Variants in IGF1R observed in about 807,000 individuals in gnomAD.
The protein encoded by IGF1R is insulin like growth factor 1 receptor, also known as insulin-like growth factor 1 receptor.
IGF1R carries 44 observed loss-of-function variants against 144.6 expected under a neutral mutation model. That is an observed-to-expected ratio of 0.30 (90% confidence interval 0.24 to 0.39). The LOEUF is 0.39. Ranked by LOEUF, IGF1R falls within the 10% of genes least tolerant of loss-of-function variation. IGF1R has a pLI of 1.00. For synonymous variants in IGF1R, 795 were observed against 722.8 expected (o/e 1.10, Z -1.60); for missense variants, 1,355 against 1,833.7 (o/e 0.74, Z 4.77).
At chr15:98,890,091 G>A (rs773016445) in intron 2 of IGF1R, among the ~76,000 whole-genome samples, 9 of 152,170 alleles carry the variant, frequency 5.9e-5, no homozygotes, top group African/African-American at 1.4e-4. Context: ...TTTAGCACAC[G>A]AAGAGGCTTA....
At chr15:98,650,984 T>C in intron 1 of IGF1R, 1 of 985,218 alleles carries the variant, frequency 1.0e-6, no homozygotes, top group Non-Finnish European at 1.2e-6. Context: ...AAGTTGAAAG[T>C]GTGGCTTACT....
At chr15:98,668,490 T>A (rs143782374) in intron 1 of IGF1R, among the ~76,000 whole-genome samples, 81 of 152,338 alleles carry the variant, frequency 5.3e-4, no homozygotes, top group African/African-American at 1.9e-3. Context: ...CATTCGCCTC[T>A]GTAACCAAAT....
rs892868238 is a variant in IGF1R, at chr15:98,820,065, G to T, written c.641-71260G>T. Among the ~76,000 whole-genome samples, 16 of 152,300 alleles carry T rather than the reference G, an allele frequency of 1.1e-4. No individual in the cohort carries two copies. The East Asian group carries it at 3.1e-3, about 29-fold the overall frequency. On this transcript the variant is annotated intron_variant, in intron 2 of 20. Coordinates refer to ENST00000650285, the MANE Select transcript of IGF1R (RefSeq NM_000875.5). The stretch of plus-strand genomic sequence containing the variant: ...CTTACGCGTTCACAAACCACACTTT[G>T]AGAACTAAAGATCAAGGAGTACAGT...
rs2016101119 is a variant in IGF1R, at chr15:98,935,308, C to T, written c.3187-8C>T. On this transcript the variant is annotated splice_region_variant and splice_polypyrimidine_tract_variant and intron_variant, in intron 16 of 20. Coordinates refer to ENST00000650285, the MANE Select transcript of IGF1R (RefSeq NM_000875.5). This position sits in a 1 kb window ranked among gnomAD's most constrained non-coding sequence, Gnocchi z 4.2. ...CCTCTGAGTCTTTCTCTTTTTGATTCCTCCCAGGTGCGATTGCTGGGTGTG... is the reference window on the plus strand; with the variant it reads ...CCTCTGAGTCTTTCTCTTTTTGATTTCTCCCAGGTGCGATTGCTGGGTGTG... The T allele has an allele frequency of 6.5e-7, 1 of 1,533,350 alleles. No individual in the cohort carries two copies. Among genetic ancestry groups the T allele is most frequent in the Non-Finnish European group, 8.8e-7 (1 of 1,131,018 alleles). 95.0% of individuals were successfully genotyped at this position (1,533,350 alleles called of 1,614,324 possible). A position where few individuals can be genotyped will look rare whatever the true frequency, so the allele number is the denominator to read the frequency against.
At chr15:98,855,171 G>A (rs889834525) in intron 2 of IGF1R, among the ~76,000 whole-genome samples, 1 of 152,182 alleles carries the variant, frequency 6.6e-6, no homozygotes, top group African/African-American at 2.4e-5. Context: ...CTGTGGTTGG[G>A]GTGGGGAGCT....
At chr15:98,660,282 G>T (rs45600439) in intron 1 of IGF1R, 29 of 152,288 alleles carry the variant, frequency 1.9e-4, no homozygotes, top group African/African-American at 6.3e-4. Context: ...TTGCCCTCTG[G>T]CAAGCTCCTT....
chr15:98,809,243 T>C (rs1567139191), intron 2 of IGF1R, among the ~76,000 whole-genome samples: 2 of 152,220 alleles, frequency 1.3e-5, no homozygotes, highest in Non-Finnish European at 2.9e-5. Flanking sequence ...ATTTGCTGTC[T>C]GGCTAGCAGT....
intron 2 of IGF1R, among the ~76,000 whole-genome samples, chr15:98,822,211 A>C (rs1175521775): frequency 6.6e-6 from 1 of 152,108 alleles, no homozygotes; most frequent in African/African-American, 2.4e-5. Context: ...ACTGAGATAC[A>C]ACCTTCCTAC....
At position 98,960,752 on chromosome 15, in the gene IGF1R, T is replaced by A. The variant is rs986015230; in HGVS notation, c.*3310T>A. On this transcript the variant is annotated 3_prime_UTR_variant, in exon 21 of 21. Transcript: ENST00000650285. ...CAGAGGCTCCTGACCTCACAGCCAG[T>A]CCCTGATAGAACACACGCAGGAGCA... The A allele has an allele frequency of 4.3e-6, 1 of 233,650 alleles. No individual in the cohort carries two copies. Among genetic ancestry groups the A allele is most frequent in the East Asian group, 6.0e-5 (1 of 16,602 alleles). The allele number at this position is 233,650 out of a possible 1,614,324, so 14.5% of individuals were successfully genotyped here.
Position 98,707,526 on chromosome 15 carries a change from TCTAA to T in IGF1R, c.95-33_95-30del, listed in dbSNP as rs2053894494. 2 of 1,601,272 alleles carry T rather than the reference TCTAA, an allele frequency of 1.2e-6. No individual in the cohort carries two copies. Among genetic ancestry groups the T allele is most frequent in the South Asian group, 1.1e-5 (1 of 90,494 alleles). ...GAAAATAGTTTAAAAATTATTTCCTTCTAACTGAGACGTTTACCCTCTTGTCTCC... is the reference window on the plus strand; with the variant it reads ...GAAAATAGTTTAAAAATTATTTCCTTCTGAGACGTTTACCCTCTTGTCTCC... On this transcript the variant is annotated intron_variant, in intron 1 of 20. Coordinates refer to ENST00000650285, the MANE Select transcript of IGF1R (RefSeq NM_000875.5). The surrounding 1 kb of genome is among the most constrained non-coding windows in gnomAD (Gnocchi z 6.7).
At chr15:98,948,799 A>G (rs2016656193) in intron 20 of IGF1R, 91 bp downstream of exon 20, 2 of 1,452,724 alleles carry the variant, frequency 1.4e-6, no homozygotes, top group Non-Finnish European at 1.9e-6. Flanking sequence ...GATTAAAGCC[A>G]TTCTCTCTGG....
chr15:98,885,257 A>G (rs2013582980), intron 2 of IGF1R, among the ~76,000 whole-genome samples: 1 of 152,166 alleles, frequency 6.6e-6, no homozygotes, highest in Non-Finnish European at 1.5e-5. Context: ...TGCTAAAATC[A>G]AAAGAAGCCT....
intron 2 of IGF1R, among the ~76,000 whole-genome samples, chr15:98,813,194 C>G (rs988749397): frequency 2.6e-5 from 4 of 152,118 alleles, no homozygotes; most frequent in Non-Finnish European, 4.4e-5. Context: ...GACCAGCCCC[C>G]CTAGGGTTAG....
chr15:98,897,216 T>C (rs2014244748), intron 4 of IGF1R: 2 of 388,692 alleles, frequency 5.1e-6, no homozygotes, highest in Non-Finnish European at 9.6e-6. Flanking sequence ...GAAGAGACCA[T>C]TGGATCAGAC....
intron 20 of IGF1R, among the ~76,000 whole-genome samples, chr15:98,953,605 G>A (rs914644728): frequency 1.3e-5 from 2 of 152,100 alleles, no homozygotes; most frequent in African/African-American, 2.4e-5. Flanking sequence ...AGGTGTGAAC[G>A]CAGCCGTGGA....
chr15:98,683,112 G>A (rs1356606566), intron 1 of IGF1R, among the ~76,000 whole-genome samples: 1 of 151,612 alleles, frequency 6.6e-6, no homozygotes, highest in African/African-American at 2.4e-5. Context: ...TTAAGGGCAG[G>A]CAACATGTTC....
chr15:98,847,331 G>A (rs972885016), intron 2 of IGF1R, among the ~76,000 whole-genome samples: 3 of 152,094 alleles, frequency 2.0e-5, no homozygotes, highest in Non-Finnish European at 4.4e-5. Flanking sequence ...GGAAAGCTCC[G>A]TAGATGCCGT....
intron 2 of IGF1R, among the ~76,000 whole-genome samples, chr15:98,792,554 G>A (rs537978388): frequency 2.0e-5 from 3 of 152,258 alleles, no homozygotes; most frequent in African/African-American, 7.2e-5. Flanking sequence ...ATTATGGTAG[G>A]TGGTTGTTAC....
chr15:98,676,492 A>G (rs2053050043), intron 1 of IGF1R, among the ~76,000 whole-genome samples: 2 of 152,116 alleles, frequency 1.3e-5, no homozygotes, highest in Non-Finnish European at 1.5e-5. Flanking sequence ...TTGTGGTAAA[A>G]TCATTTTGTC....
Sources: gnomAD v4.1 joint callset for allele counts (sites outside exome capture counted in the v4.1 genomes callset) on GRCh38, gnomAD v4.1.1 for gene constraint, Gnocchi (gnomAD v3.1) non-coding constraint, MANE v1.5 for transcripts, NCBI Gene and HGNC (gene_info 2026-07-23, HGNC 2026-07-21) for gene names.